The following TMEM150C variants were observed in gnomAD, a reference collection of about 807,000 sequenced individuals.
TMEM150C encodes tentonin 3.
In TMEM150C, 10 loss-of-function variants were observed where a neutral mutation model predicts 29.9. That is an observed-to-expected ratio of 0.33 (90% CI 0.21 to 0.57). The LOEUF (loss-of-function observed/expected upper bound fraction) is 0.57, where lower values mean the gene tolerates loss of function less well. Among genes scored for constraint, TMEM150C ranks in the 20% least tolerant of loss-of-function variants. TMEM150C has a pLI of 0.88. For synonymous variants in TMEM150C, 101 were observed against 112.5 expected (o/e 0.90, Z 0.64); for missense variants, 251 against 303.6 (o/e 0.83, Z 1.29).
At chr4:82,525,904 T>G (rs1308920742) in intron 1 of TMEM150C, among the ~76,000 whole-genome samples, 1 of 152,162 alleles carries the variant, frequency 6.6e-6, no homozygotes, top group Non-Finnish European at 1.5e-5. Context: ...CATTTTCTTT[T>G]GTTTTGGTTT....
chr4:82,485,532 T>G lies in TMEM150C; in HGVS notation c.729A>C (p.Glu243Asp), dbSNP rs780004607. ...SFSESLSEAS[E>D]YQTDQV ...TGGTTTACACCTGGTCAGTCTGATATTCAGAAGCTTCTGACAGGCTTTCTG... is the reference window on the plus strand; with the variant it reads ...TGGTTTACACCTGGTCAGTCTGATAGTCAGAAGCTTCTGACAGGCTTTCTG... The change falls in exon 8 of 8, where the codon GAA (glutamate) becomes GAC (aspartate). Residue 243 changes from glutamate to aspartate, a missense_variant. Physicochemically the swap from Glu to Asp is conservative, Grantham distance 45. Coordinates refer to ENST00000449862, the MANE Select transcript of TMEM150C (RefSeq NM_001080506.3). 1 of 1,604,010 alleles carries G rather than the reference T, an allele frequency of 6.2e-7. No homozygotes were observed. The highest frequency in any genetic ancestry group is 1.3e-5 in the African/African-American group (1 of 74,836).
intron 1 of TMEM150C, among the ~76,000 whole-genome samples, chr4:82,530,189 A>G (rs1239132675): frequency 6.6e-6 from 1 of 151,878 alleles, no homozygotes; most frequent in East Asian, 1.9e-4. Context: ...GTAGTGGGAG[A>G]TACAGGGGAG....
At chr4:82,495,076 TC>T in intron 6 of TMEM150C, 1 of 1,176,826 alleles carries the variant, frequency 8.5e-7, no homozygotes, top group South Asian at 1.7e-5. Flanking sequence ...GGTGCTTTGG[TC>T]CTAGGTTTCT....
Position 82,507,710 on chromosome 4 carries a change from ACTCTCT to A in TMEM150C, c.-10-3049_-10-3044del, listed in dbSNP as rs1215011397. Among the ~76,000 whole-genome samples the A allele has an allele frequency of 4.8e-3, 460 of 96,542 alleles. 10 individuals carry two copies. Among genetic ancestry groups the A allele is most frequent in the African/African-American group, 0.021 (420 of 19,798 alleles). 63.3% of individuals were successfully genotyped at this position (96,542 alleles called of 152,430 possible). A position where few individuals can be genotyped will look rare whatever the true frequency, so the allele number is the denominator to read the frequency against. Reference sequence around the variant, plus strand: ...AAAGGATAAACAATATATTAAATTAACTCTCTCTCTCTCTCTCTTTTTTTTTTTTTT... The same window carrying A: ...AAAGGATAAACAATATATTAAATTAACTCTCTCTCTCTTTTTTTTTTTTTT... On this transcript the variant is annotated intron_variant, in intron 1 of 7. Transcript: ENST00000449862.
At chr4:82,501,598 C>A (rs1361924250) in intron 5 of TMEM150C, among the ~76,000 whole-genome samples, 1 of 152,108 alleles carries the variant, frequency 6.6e-6, no homozygotes, top group South Asian at 2.1e-4. Context: ...CTTTTTGAAG[C>A]TTCAGGTTCA....
At chr4:82,498,474 T>C (rs1191959592) in intron 5 of TMEM150C, among the ~76,000 whole-genome samples, 2 of 152,136 alleles carry the variant, frequency 1.3e-5, no homozygotes, top group African/African-American at 4.8e-5. Flanking sequence ...GTATTTTTAG[T>C]ACAGATGGAG....
chr4:82,507,144 G>T (rs2110071452), intron 1 of TMEM150C, among the ~76,000 whole-genome samples: 1 of 152,300 alleles, frequency 6.6e-6, no homozygotes, highest in East Asian at 1.9e-4. Context: ...GTTAAGCCAA[G>T]TCTGGTATTT....
At chr4:82,539,513 C>T (rs1426532457) in intron 1 of TMEM150C, among the ~76,000 whole-genome samples, 4 of 151,486 alleles carry the variant, frequency 2.6e-5, no homozygotes, top group East Asian at 3.9e-4. Context: ...AGTGCAGTGG[C>T]ACGATCTCGG....
chr4:82,504,690 TAATAATTAAGGCAA>T lies in TMEM150C; in HGVS notation c.-10-37_-10-24del, dbSNP rs758669610. 7.0e-6 allele frequency: 11 copies of T among 1,582,012 alleles called. No homozygotes were observed. The Middle Eastern group carries it at 5.0e-4, about 72-fold the overall frequency. ...CCACTGAAATAAAATAAACACGTAT[TAATAATTAAGGCAA>T]AACATTTACTTCACTCTTTCAAGAT... is the stretch of plus-strand genomic sequence containing the variant. On this transcript the variant is annotated intron_variant, in intron 1 of 7. Transcript: ENST00000449862.
chr4:82,526,812 T>C (rs1560492258), intron 1 of TMEM150C, among the ~76,000 whole-genome samples: 1 of 152,182 alleles, frequency 6.6e-6, no homozygotes, highest in East Asian at 1.9e-4. Context: ...ACTGATAGTC[T>C]TTCTGAAGTC....
At chr4:82,505,311 T>C (rs1234890949) in intron 1 of TMEM150C, among the ~76,000 whole-genome samples, 1 of 152,150 alleles carries the variant, frequency 6.6e-6, no homozygotes, top group Non-Finnish European at 1.5e-5. Context: ...CCTTCCAAAG[T>C]GTTGAGATTA....
intron 1 of TMEM150C, among the ~76,000 whole-genome samples, chr4:82,508,944 C>T (rs1724028565): frequency 6.6e-6 from 1 of 152,180 alleles, no homozygotes; most frequent in African/African-American, 2.4e-5. Context: ...ACTGCATAAA[C>T]CTTCTTGAAA....
chr4:82,484,431 C>A lies in TMEM150C; in HGVS notation c.*1080G>T, dbSNP rs780820601. 1 of 150,694 alleles carries A rather than the reference C, an allele frequency of 6.6e-6. No homozygotes were observed. Among genetic ancestry groups the A allele is most frequent in the Non-Finnish European group, 1.5e-5 (1 of 67,774 alleles). The allele number at this position is 150,694 out of a possible 1,614,324, so 9.3% of individuals were successfully genotyped here. A position where few individuals can be genotyped will look rare whatever the true frequency, so the allele number is the denominator to read the frequency against. On this transcript the variant is annotated 3_prime_UTR_variant, in exon 8 of 8. Coordinates refer to ENST00000449862, the MANE Select transcript of TMEM150C (RefSeq NM_001080506.3). Reference sequence around the variant, plus strand: ...TAATCCAAAAAAAAAAAAAACCCTACTAAATTTGAGCAAAAGATACATATT... The same window carrying A: ...TAATCCAAAAAAAAAAAAAACCCTAATAAATTTGAGCAAAAGATACATATT...
At chr4:82,524,349 G>A (rs1724587623) in intron 1 of TMEM150C, among the ~76,000 whole-genome samples, 1 of 152,014 alleles carries the variant, frequency 6.6e-6, no homozygotes, top group Non-Finnish European at 1.5e-5. Context: ...AAAAAAATCT[G>A]TTTTTTCTTT....
intron 1 of TMEM150C, among the ~76,000 whole-genome samples, chr4:82,555,848 A>G (rs2110094807): frequency 6.6e-6 from 1 of 152,338 alleles, no homozygotes; most frequent in Non-Finnish European, 1.5e-5. Flanking sequence ...GGACTTGTTA[A>G]GCACTCAATA....
At chr4:82,526,822 C>G (rs149635132) in intron 1 of TMEM150C, among the ~76,000 whole-genome samples, 80 of 152,266 alleles carry the variant, frequency 5.3e-4, no homozygotes, top group Non-Finnish European at 1.0e-3. Flanking sequence ...TTTCTGAAGT[C>G]TATCCTACCT....
intron 1 of TMEM150C, among the ~76,000 whole-genome samples, chr4:82,532,854 G>A (rs1321076669): frequency 5.3e-5 from 8 of 151,614 alleles, no homozygotes; most frequent in Admixed American, 4.0e-4. Context: ...TCAGCCTCCC[G>A]AGTAGCTAGG....
rs200918412 is a variant in TMEM150C at position 82,490,186 on chromosome 4, A to G, written c.416T>C (p.Phe139Ser). The change falls in exon 7 of 8, where the codon TTT becomes TCT. Residue 139 changes from phenylalanine (F) to serine (S), a missense_variant. Phe to Ser is a radical substitution (Grantham distance 155). Coordinates refer to ENST00000449862, the MANE Select transcript of TMEM150C (RefSeq NM_001080506.3). Reference sequence around the variant, plus strand: ...CTGGATCCAGCAGGTCAATGTGCCAAATCCAAAGGTCAAGGAAGTTCCGAC... The same window carrying G: ...CTGGATCCAGCAGGTCAATGTGCCAGATCCAAAGGTCAAGGAAGTTCCGAC... ...HNVGTSLTFG[F>S]GTLTCWIQAA... The G allele has an allele frequency of 3.5e-4, 561 of 1,614,012 alleles. No individual in the cohort carries two copies. The highest frequency in any genetic ancestry group is 6.7e-4 in the Admixed American group (40 of 60,024).
intron 1 of TMEM150C, among the ~76,000 whole-genome samples, chr4:82,527,752 T>A (rs79575377): frequency 0.036 from 5,458 of 152,276 alleles, 307 homozygotes; most frequent in African/African-American, 0.12. Flanking sequence ...TACAATTAAG[T>A]AAGCTCAAAT....
Sources: allele counts gnomAD v4.1 joint callset (sites outside exome capture counted in the v4.1 genomes callset), GRCh38; gene constraint gnomAD v4.1.1; transcripts MANE v1.5; gene names NCBI Gene and HGNC (gene_info 2026-07-23, HGNC 2026-07-21).